Variants in ADAM9 observed in about 807,000 individuals in gnomAD.
The protein encoded by ADAM9 is disintegrin and metalloproteinase domain-containing protein 9.
A neutral mutation model predicts 108.1 loss-of-function variants in ADAM9; 54 were observed. The ratio of observed to expected loss-of-function variants is 0.50; its 90% CI spans 0.40 to 0.63. The LOEUF (loss-of-function observed/expected upper bound fraction) is 0.63, where lower values mean the gene tolerates loss of function less well. Among genes scored for constraint, ADAM9 ranks in the 20% least tolerant of loss-of-function variants. The pLI is 0.00. For synonymous variants in ADAM9, 316 were observed against 336.0 expected, an observed-to-expected ratio of 0.94 and a Z score of 0.65; for missense variants, 830 against 997.7, an observed-to-expected ratio of 0.83 and a Z score of 2.26.
chr8:39,015,956 C>G (rs138765528), intron 4 of ADAM9, 162 bp from the exon 5 acceptor site: 9 of 675,794 alleles, frequency 1.3e-5, no homozygotes, highest in Non-Finnish European at 2.0e-5. Flanking sequence ...CGCAGATGGT[C>G]TAAAGAATGC....
chr8:39,097,115 C>T (rs1363377551), intron 20 of ADAM9, among the ~76,000 whole-genome samples: 1 of 152,138 alleles, frequency 6.6e-6, no homozygotes, highest in African/African-American at 2.4e-5. Flanking sequence ...CTGCCTTTCT[C>T]AGATTTTGCA....
intron 20 of ADAM9, among the ~76,000 whole-genome samples, chr8:39,099,775 C>CCAGCACCTTGCTTGATTA (rs1352595398): frequency 6.6e-6 from 1 of 151,950 alleles, no homozygotes; most frequent in East Asian, 1.9e-4. Context: ...AGCTAATTAA[C>CCAGCACCTTGCTTGATTA]ATATCCAGCA....
chr8:39,077,439 G>A (rs1838883178), intron 16 of ADAM9, 28 bp downstream of exon 16: 5 of 1,571,210 alleles, frequency 3.2e-6, no homozygotes, highest in East Asian at 2.4e-5. Context: ...TATTTACAAA[G>A]TAAAATGAAA....
At chr8:39,003,606 G>T (rs1036281383) in intron 1 of ADAM9, among the ~76,000 whole-genome samples, 1 of 152,124 alleles carries the variant, frequency 6.6e-6, no homozygotes, top group African/African-American at 2.4e-5. Context: ...ACATGGGAAG[G>T]AGGATTTTCA....
chr8:39,009,588 CT>C (rs1376190574), intron 2 of ADAM9, among the ~76,000 whole-genome samples: 1 of 152,138 alleles, frequency 6.6e-6, no homozygotes, highest in East Asian at 1.9e-4. Flanking sequence ...ATGTTTTCTC[CT>C]TTTTTGTGTC....
chr8:39,014,913 T>C lies in ADAM9; in HGVS notation c.333+870T>C, dbSNP rs1334282720. ...CCACTATCTGATTTCTTTATCTTAG[T>C]GTGTTGTTGGTCCATTGTTTAATAG... On this transcript the variant is annotated intron_variant, in intron 4 of 21. Transcript: ENST00000487273. 3.7e-5 allele frequency: 8 copies of C among 216,008 alleles called. No homozygotes were observed. The East Asian group carries it at 9.3e-4, about 25-fold the overall frequency. The allele number at this position is 216,008 out of a possible 1,614,324, so 13.4% of individuals were successfully genotyped here. A position where few individuals can be genotyped will look rare whatever the true frequency, so the allele number is the denominator to read the frequency against.
intron 20 of ADAM9, among the ~76,000 whole-genome samples, chr8:39,099,945 T>G (rs1209036645): frequency 6.8e-6 from 1 of 146,730 alleles, no homozygotes; most frequent in East Asian, 2.1e-4. Context: ...AGTGGCATGA[T>G]CTCGGCTCAT....
chr8:39,020,463 C>T (rs1220967135), intron 7 of ADAM9, among the ~76,000 whole-genome samples: 1 of 152,060 alleles, frequency 6.6e-6, no homozygotes, highest in African/African-American at 2.4e-5. Flanking sequence ...GATACTAATG[C>T]TTTTAGCATA....
intron 11 of ADAM9, among the ~76,000 whole-genome samples, chr8:39,034,699 T>C (rs780193767): frequency 5.9e-5 from 9 of 152,240 alleles, no homozygotes; most frequent in Non-Finnish European, 1.3e-4. Flanking sequence ...ATTTTTCCAT[T>C]GTCTTTTGCT....
chr8:39,037,098 C>G (rs1476575791), intron 11 of ADAM9, among the ~76,000 whole-genome samples: 1 of 126,188 alleles, frequency 7.9e-6, no homozygotes, highest in African/African-American at 3.0e-5. Context: ...GCTCTGTCAC[C>G]CAGGCTGGAG....
chr8:39,104,071 A>G lies in ADAM9; in HGVS notation c.*371A>G, dbSNP rs766861630. On this transcript the variant is annotated 3_prime_UTR_variant, in exon 22 of 22. Transcript: ENST00000487273. Reference sequence around the variant, plus strand: ...GTTTAAGTGTTATTCTGAATTTTCTACCTTAGTTATCATTAATGTAGTTCC... The same window carrying G: ...GTTTAAGTGTTATTCTGAATTTTCTGCCTTAGTTATCATTAATGTAGTTCC... 15 of 465,728 alleles carry G rather than the reference A, an allele frequency of 3.2e-5. No individual in the cohort carries two copies. Among genetic ancestry groups the G allele is most frequent in the South Asian group, 2.2e-4 (14 of 64,566 alleles). The allele number at this position is 465,728 out of a possible 1,614,324, so 28.8% of individuals were successfully genotyped here.
chr8:39,050,579 C>T (rs1837925407), intron 12 of ADAM9, among the ~76,000 whole-genome samples: 1 of 151,402 alleles, frequency 6.6e-6, no homozygotes, highest in Non-Finnish European at 1.5e-5. Context: ...TTGGTGTATT[C>T]TTCAGCCCCG....
intron 18 of ADAM9, among the ~76,000 whole-genome samples, chr8:39,083,515 T>G (rs1374309837): frequency 6.6e-6 from 1 of 152,236 alleles, no homozygotes; most frequent in African/African-American, 2.4e-5. Context: ...TGAAGACATA[T>G]TGTAACTTCT....
In ADAM9 at chr8:39,018,875, A is replaced by G; in HGVS notation, c.629A>G (p.Gln210Arg). 6.2e-7 allele frequency: 1 copy of G among 1,614,050 alleles called. No individual in the cohort carries two copies. The highest frequency in any genetic ancestry group is 8.5e-7 in the Non-Finnish European group (1 of 1,179,966). ...LLRRRRAVLP[Q>R]TRYVELFIVV... The stretch of plus-strand genomic sequence containing the variant: ...CAGAGAAGAAGAGCTGTCTTGCCAC[A>G]GACCCGGTATGTGGAGCTGTTCATT... Residue 210 changes from glutamine to arginine, a missense_variant, in exon 7 of 22, where the codon CAG becomes CGG. Gln to Arg is a conservative substitution (Grantham distance 43). This residue lies in a region of ADAM9 where 381 missense variants were observed against 539.8 expected (regional missense o/e 0.71). Coordinates refer to ENST00000487273, the MANE Select transcript of ADAM9 (RefSeq NM_003816.3).
At chr8:39,001,759 C>A (rs1415441339) in intron 1 of ADAM9, among the ~76,000 whole-genome samples, 1 of 151,792 alleles carries the variant, frequency 6.6e-6, no homozygotes, top group African/African-American at 2.4e-5. Flanking sequence ...CCTCTGCCTC[C>A]CAGGTTCAAG....
chr8:39,056,200 T>A (rs978466922), intron 14 of ADAM9, among the ~76,000 whole-genome samples: 1 of 152,098 alleles, frequency 6.6e-6, no homozygotes, highest in African/African-American at 2.4e-5. Context: ...TTGGGATTTT[T>A]AAAAAATTTA....
At chr8:39,028,052 C>T (rs562390598) in intron 11 of ADAM9, among the ~76,000 whole-genome samples, 2 of 152,256 alleles carry the variant, frequency 1.3e-5, no homozygotes, top group South Asian at 2.1e-4. Context: ...TGTGCCACTG[C>T]ACTCCAGCCT....
intron 14 of ADAM9, among the ~76,000 whole-genome samples, chr8:39,060,750 G>A (rs1416486904): frequency 6.6e-6 from 1 of 152,208 alleles, no homozygotes; most frequent in African/African-American, 2.4e-5. Context: ...GTGATATTTT[G>A]TGGAAGGAAA....
rs997047449 is a variant in ADAM9 at position 39,027,765 on chromosome 8, AT to A, written c.1130+957del. ...GTGTAGATGTTGAGCCTGAGTGAAAATTAGATATGAGAGGTGATATCTTTAA... is the reference window on the plus strand; with the variant it reads ...GTGTAGATGTTGAGCCTGAGTGAAAATAGATATGAGAGGTGATATCTTTAA... On this transcript the variant is annotated intron_variant, in intron 11 of 21. Coordinates refer to ENST00000487273, the MANE Select transcript of ADAM9 (RefSeq NM_003816.3). 2.7e-3 allele frequency among the ~76,000 whole-genome samples: 413 copies of A among 151,286 alleles called. 8 individuals are homozygous for A. Among genetic ancestry groups the A allele is most frequent in the African/African-American group, 9.1e-3 (375 of 41,178 alleles).
Sources: allele counts gnomAD v4.1 joint callset (sites outside exome capture counted in the v4.1 genomes callset), GRCh38; gene constraint gnomAD v4.1.1; regional missense constraint gnomAD v4.1.1; transcripts MANE v1.5; gene names NCBI Gene and HGNC (gene_info 2026-07-23, HGNC 2026-07-21).